SPEG: variants seen among roughly 807,000 people sequenced by gnomAD.
SPEG encodes the protein striated muscle enriched protein kinase.
In SPEG, 114 loss-of-function variants were observed where a neutral mutation model predicts 300.4. The ratio of observed to expected loss-of-function variants is 0.38; its 90% CI spans 0.33 to 0.44. The LOEUF (loss-of-function observed/expected upper bound fraction) is 0.44, where lower values mean the gene tolerates loss of function less well. SPEG is among the 20% of genes least tolerant of loss of function. The pLI is 1.00. For missense variants in SPEG, 4,201 were observed against 4,586.2 expected (o/e 0.92, Z 2.43); for synonymous variants, 1,964 against 2,018.9 (o/e 0.97, Z 0.73).
Position 219,480,499 on chromosome 2 carries a change from A to G in SPEG, c.5343-172A>G, listed in dbSNP as rs770349076. ...CATGACCCTGGACTTCTCCAGGCATATCTGGACCTGTAGGTTCAGGGTCCT... is the reference window on the plus strand; with the variant it reads ...CATGACCCTGGACTTCTCCAGGCATGTCTGGACCTGTAGGTTCAGGGTCCT... On this transcript the variant is annotated intron_variant, in intron 25 of 40. Transcript: ENST00000312358. The surrounding 1 kb of genome is among the most constrained non-coding windows in gnomAD (Gnocchi z 5.3). Among the ~76,000 whole-genome samples, 7 of 152,068 alleles carry G rather than the reference A, an allele frequency of 4.6e-5. No individual in the cohort carries two copies. The highest frequency in any genetic ancestry group is 7.4e-5 in the Non-Finnish European group (5 of 67,996).
At chr2:219,467,058 A>G in intron 9 of SPEG, 116 bp from the exon 10 acceptor site, 1 of 1,335,506 alleles carries the variant, frequency 7.5e-7, no homozygotes, top group African/African-American at 1.5e-5. Context: ...TCTCCAGAGA[A>G]CAAAATGCAT....
intron 8 of SPEG, among the ~76,000 whole-genome samples, chr2:219,463,276 A>T (rs1372775401): frequency 6.6e-6 from 1 of 151,906 alleles, no homozygotes; most frequent in Non-Finnish European, 1.5e-5. Context: ...ATGTGGGTCT[A>T]AGCAGAGGGG....
chr2:219,481,812 C>T lies in SPEG; in HGVS notation c.5565+132C>T, dbSNP rs1559415553. 17 of 799,732 alleles carry T rather than the reference C, an allele frequency of 2.1e-5. No individual in the cohort carries two copies. Among genetic ancestry groups the T allele is most frequent in the Non-Finnish European group, 3.5e-5 (16 of 463,202 alleles). 49.5% of individuals were successfully genotyped at this position (799,732 alleles called of 1,614,324 possible). On this transcript the variant is annotated intron_variant, in intron 28 of 40. Coordinates refer to ENST00000312358, the MANE Select transcript of SPEG (RefSeq NM_005876.5). This position sits in a 1 kb window ranked among gnomAD's most constrained non-coding sequence, Gnocchi z 5.4. ...TTGTATGTACATATGACGTATTAGC[C>T]TCACAATAGCTTTGCAAAGGAAGGC...
chr2:219,477,279 C>A lies in SPEG; in HGVS notation c.4563C>A (p.Asp1521Glu). ...KPLPDIMWYK[D>E]EVLLTESSHV... is the part of the protein sequence containing the mutation. ...GAAGGTGAGACCCCACTCTGCAGGACGAGGTGCTGCTGACCGAGAGCAGCC... is the reference window on the plus strand; with the variant it reads ...GAAGGTGAGACCCCACTCTGCAGGAAGAGGTGCTGCTGACCGAGAGCAGCC... The change falls in exon 20 of 41, where the codon GAC becomes GAA. Residue 1521 changes from aspartate to glutamate, a missense_variant and splice_region_variant. Coordinates refer to ENST00000312358, the MANE Select transcript of SPEG (RefSeq NM_005876.5). The surrounding 1 kb of genome is among the most constrained non-coding windows in gnomAD (Gnocchi z 6.4). 1.2e-6 allele frequency: 2 copies of A among 1,609,416 alleles called. No individual in the cohort carries two copies. Among genetic ancestry groups the A allele is most frequent in the South Asian group, 2.2e-5 (2 of 90,538 alleles).
chr2:219,443,118 A>G lies in SPEG; in HGVS notation c.389-1535A>G, dbSNP rs924100493. ...GCTTTTCTCTTTCAGAAAACCGGCC[A>G]TTCCCGCCGGGCCTTTGGCCGACTC... On this transcript the variant is annotated intron_variant, in intron 1 of 40. Transcript: ENST00000312358. The surrounding 1 kb of genome is among the most constrained non-coding windows in gnomAD (Gnocchi z 4.6). 1.9e-6 allele frequency: 3 copies of G among 1,612,488 alleles called. No homozygotes were observed. Among genetic ancestry groups the G allele is most frequent in the Non-Finnish European group, 2.5e-6 (3 of 1,179,720 alleles).
Position 219,477,163 on chromosome 2 carries a change from G to A in SPEG, c.4561-114G>A. 1 of 1,077,714 alleles carries A rather than the reference G, an allele frequency of 9.3e-7. No homozygotes were observed. Among genetic ancestry groups the A allele is most frequent in the East Asian group, 2.5e-5 (1 of 40,410 alleles). 66.8% of individuals were successfully genotyped at this position (1,077,714 alleles called of 1,614,324 possible). A position where few individuals can be genotyped will look rare whatever the true frequency, so the allele number is the denominator to read the frequency against. On this transcript the variant is annotated intron_variant, in intron 19 of 40. Transcript: ENST00000312358. The surrounding 1 kb of genome is among the most constrained non-coding windows in gnomAD (Gnocchi z 6.4). Reference sequence around the variant, plus strand: ...GGGCTTTCTGTGGGAGATAAGGGAGGAGCTGACTCTGGGTCCTGGTGAGAG... The same window carrying A: ...GGGCTTTCTGTGGGAGATAAGGGAGAAGCTGACTCTGGGTCCTGGTGAGAG...
chr2:219,482,403 G>A (rs1253589963), intron 28 of SPEG: 2 of 216,082 alleles, frequency 9.3e-6, no homozygotes, highest in Non-Finnish European at 1.9e-5. Context: ...TGTCTGGGGT[G>A]TTGGCCCTAC....
At chr2:219,482,997 C>T in intron 29 of SPEG, 101 bp from the exon 30 acceptor site, 4 of 1,427,294 alleles carry the variant, frequency 2.8e-6, no homozygotes, top group Non-Finnish European at 3.8e-6. Context: ...TTCCCTGACC[C>T]TCTGCATGCT....
intron 6 of SPEG, among the ~76,000 whole-genome samples, chr2:219,454,042 C>T (rs1167466331): frequency 1.3e-5 from 2 of 152,138 alleles, no homozygotes; most frequent in African/African-American, 2.4e-5. Context: ...GTGCAGCCAC[C>T]GCCCTCTCTT....
chr2:219,469,592 C>T (rs1478517164), intron 13 of SPEG, among the ~76,000 whole-genome samples: 1 of 152,174 alleles, frequency 6.6e-6, no homozygotes. Flanking sequence ...CCTCAGTGCC[C>T]GTTAGCACTG....
At position 219,483,467 on chromosome 2, in the gene SPEG, G is replaced by A. The variant is rs2125553438; in HGVS notation, c.6004G>A (p.Gly2002Arg). 1 of 1,489,430 alleles carries A rather than the reference G, an allele frequency of 6.7e-7. No individual in the cohort carries two copies. The highest frequency in any genetic ancestry group is 1.3e-5 in the South Asian group (1 of 76,504). 92.3% of individuals were successfully genotyped at this position (1,489,430 alleles called of 1,614,324 possible). A position where few individuals can be genotyped will look rare whatever the true frequency, so the allele number is the denominator to read the frequency against. ...CTCCCCAGGCCAGGAGCCCGCAGCT[G>A]GGGCTAGCCCCAGGCGGGGAGAGCT... ...LPSPGQEPAA[G>R]ASPRRGELRR... Residue 2002 changes from glycine (G) to arginine (R), a missense_variant, in exon 30 of 41, where the codon GGG becomes AGG. Around this residue, in one of 4 missense-constraint regions of SPEG, gnomAD observed 1,578 missense variants for 1,506.0 expected, o/e 1.05. Coordinates refer to ENST00000312358, the MANE Select transcript of SPEG (RefSeq NM_005876.5).
chr2:219,468,815 C>A (rs762388854), intron 11 of SPEG, 44 bp from the exon 12 acceptor site: 16 of 1,607,620 alleles, frequency 1.0e-5, no homozygotes, highest in Non-Finnish European at 1.4e-5. Flanking sequence ...AGGGCAGGGC[C>A]CCTCACTGTG....
chr2:219,460,438 G>T, intron 6 of SPEG: 1 of 985,436 alleles, frequency 1.0e-6, no homozygotes, highest in African/African-American at 1.7e-5. Flanking sequence ...ACCTTCTTTG[G>T]TGGACGTGTC....
Position 219,489,592 on chromosome 2 carries a change from G to A in SPEG, c.8574G>A (p.Ala2858=), listed in dbSNP as rs1414519807. The A allele has an allele frequency of 3.3e-5, 54 of 1,613,420 alleles. No homozygotes were observed. The highest frequency in any genetic ancestry group is 3.9e-5 in the Non-Finnish European group (46 of 1,179,932). Residue 2858 remains alanine (A), a synonymous_variant, in exon 36 of 41, where the codon GCG becomes GCA. Coordinates refer to ENST00000312358, the MANE Select transcript of SPEG (RefSeq NM_005876.5). Reference sequence around the variant, plus strand: ...GGGGCCTGCAGGCTGCCCGGCCAGCGGAGCCCACCCTACCCAGTACCCACG... The same window carrying A: ...GGGGCCTGCAGGCTGCCCGGCCAGCAGAGCCCACCCTACCCAGTACCCACG... ...RHRGLQAARP[A]EPTLPSTHVT...
At position 219,480,290 on chromosome 2, in the gene SPEG, A is replaced by T; in HGVS notation, c.5342+150A>T. 4 of 847,628 alleles carry T rather than the reference A, an allele frequency of 4.7e-6. No individual in the cohort carries two copies. The highest frequency in any genetic ancestry group is 7.3e-6 in the Non-Finnish European group (4 of 549,092). 52.5% of individuals were successfully genotyped at this position (847,628 alleles called of 1,614,324 possible). A position where few individuals can be genotyped will look rare whatever the true frequency, so the allele number is the denominator to read the frequency against. On this transcript the variant is annotated intron_variant, in intron 25 of 40. Transcript: ENST00000312358. The surrounding 1 kb of genome is among the most constrained non-coding windows in gnomAD (Gnocchi z 5.3). ...GTTTGCAGGGTCTCCTGCCCATGTT[A>T]CTCCTTGCCCCTTGTGAGTCAGGGC...
intron 1 of SPEG, chr2:219,441,870 C>A: frequency 4.8e-6 from 1 of 206,618 alleles, no homozygotes; most frequent in Non-Finnish European, 9.6e-6. Flanking sequence ...GCCGCCGCCG[C>A]CGCTGCTGCC....
chr2:219,484,544 G>C lies in SPEG; in HGVS notation c.7081G>C (p.Gly2361Arg). Reference sequence around the variant, plus strand: ...GAGCCGTTCGCGCTCGGAGGAGCGCGGCCCCTTCCGTGGGGCCGAGGAGGA... The same window carrying C: ...GAGCCGTTCGCGCTCGGAGGAGCGCCGCCCCTTCCGTGGGGCCGAGGAGGA... ...LLSRSRSEERGPFRGAEEEDG... is the reference protein window; with the variant it reads ...LLSRSRSEERRPFRGAEEEDG... The change falls in exon 30 of 41, where the codon GGC (glycine) becomes CGC (arginine). Residue 2361 changes from glycine (G) to arginine (R), a missense_variant. Gly to Arg is a moderately radical substitution (Grantham distance 125). Around this residue, in one of 4 missense-constraint regions of SPEG, gnomAD observed 1,578 missense variants for 1,506.0 expected, o/e 1.05. Coordinates refer to ENST00000312358, the MANE Select transcript of SPEG (RefSeq NM_005876.5). 1 of 1,593,382 alleles carries C rather than the reference G, an allele frequency of 6.3e-7. No individual in the cohort carries two copies. Among genetic ancestry groups the C allele is most frequent in the East Asian group, 2.3e-5 (1 of 44,294 alleles).
chr2:219,470,248 TAGAG>T (rs925331330), intron 13 of SPEG, among the ~76,000 whole-genome samples: 2 of 152,192 alleles, frequency 1.3e-5, no homozygotes, highest in Admixed American at 6.5e-5. Context: ...AACTGAGGCT[TAGAG>T]AGATACAGGA....
rs768969009 is a variant in SPEG, at chr2:219,444,100, C to T, written c.389-553C>T. 2 of 1,333,246 alleles carry T rather than the reference C, an allele frequency of 1.5e-6. No homozygotes were observed. The highest frequency in any genetic ancestry group is 1.5e-5 in the African/African-American group (1 of 67,288). 82.6% of individuals were successfully genotyped at this position (1,333,246 alleles called of 1,614,324 possible). ...CTGCTCTAGCCCCCCGCATCCCCCC[C>T]TTTCCCACCCGGCCCCGGCCTCTCC... is the stretch of plus-strand genomic sequence containing the variant. On this transcript the variant is annotated intron_variant, in intron 1 of 40. Transcript: ENST00000312358. The surrounding 1 kb of genome is among the most constrained non-coding windows in gnomAD (Gnocchi z 7.8).
Sources: gnomAD v4.1 joint callset for allele counts (sites outside exome capture counted in the v4.1 genomes callset) on GRCh38, gnomAD v4.1.1 for gene constraint, gnomAD v4.1.1 regional missense constraint, Gnocchi (gnomAD v3.1) non-coding constraint, MANE v1.5 for transcripts, NCBI Gene and HGNC (gene_info 2026-07-23, HGNC 2026-07-21) for gene names.